Variants in ADAMTS6 observed in about 807,000 individuals in gnomAD.
The protein encoded by ADAMTS6 is A disintegrin and metalloproteinase with thrombospondin motifs 6.
A neutral mutation model predicts 144.3 loss-of-function variants in ADAMTS6; 23 were observed. The ratio of observed to expected loss-of-function variants is 0.16; its 90% confidence interval spans 0.11 to 0.23. ADAMTS6 has a LOEUF of 0.23. Ranked by LOEUF, ADAMTS6 falls within the 10% of genes least tolerant of loss-of-function variation. The pLI, the probability that ADAMTS6 is intolerant of heterozygous loss-of-function variation, is 1.00. For synonymous variants in ADAMTS6, 444 were observed against 457.5 expected (o/e 0.97, Z 0.38); for missense variants, 999 against 1,379.6 (o/e 0.72, Z 4.37).
chr5:65,196,899 T>C (rs771846664), intron 21 of ADAMTS6, 123 bp downstream of exon 21: 117 of 1,210,816 alleles, frequency 9.7e-5, no homozygotes, highest in Non-Finnish European at 1.2e-4. Context: ...CCTCTCAGGA[T>C]GTTTTCTACC....
chr5:65,420,753 T>TG (rs1213797537), intron 7 of ADAMTS6, among the ~76,000 whole-genome samples: 2 of 152,082 alleles, frequency 1.3e-5, no homozygotes, highest in Non-Finnish European at 2.9e-5. Context: ...TAGATGTAGC[T>TG]GGAAAAAAAG....
chr5:65,198,959 A>G (rs1266932764), intron 20 of ADAMTS6, among the ~76,000 whole-genome samples: 2 of 152,164 alleles, frequency 1.3e-5, no homozygotes, highest in Non-Finnish European at 1.5e-5. Flanking sequence ...GTGTCATTCC[A>G]GTGGGCAGAT....
intron 7 of ADAMTS6, among the ~76,000 whole-genome samples, chr5:65,384,483 G>A (rs559018051): frequency 6.6e-6 from 1 of 152,242 alleles, no homozygotes; most frequent in African/African-American, 2.4e-5. Flanking sequence ...CAAGTTCTTT[G>A]TCAATTTATA....
intron 7 of ADAMTS6, among the ~76,000 whole-genome samples, chr5:65,380,196 A>C (rs1751917518): frequency 6.6e-6 from 1 of 152,076 alleles, no homozygotes; most frequent in South Asian, 2.1e-4. Flanking sequence ...TTGCTTTTTA[A>C]ATTTAGTTAT....
intron 12 of ADAMTS6, among the ~76,000 whole-genome samples, chr5:65,263,196 A>C (rs954855314): frequency 6.6e-6 from 1 of 152,186 alleles, no homozygotes; most frequent in Admixed American, 6.5e-5. Flanking sequence ...GAGTTCTAAA[A>C]AAAAGTCACA....
Position 65,182,292 on chromosome 5 carries a change from CA to C in ADAMTS6, c.2910+5723del, listed in dbSNP as rs201228042. 5.3e-3 allele frequency among the ~76,000 whole-genome samples: 795 copies of C among 150,380 alleles called. 5 individuals are homozygous for C. Among genetic ancestry groups the C allele is most frequent in the African/African-American group, 0.019 (763 of 41,050 alleles). ...CAAAACCCTGTCTCTACTAAAAATACAAAAAAAAATTAGCCAGGTGTGGTGG... is the reference window on the plus strand; with the variant it reads ...CAAAACCCTGTCTCTACTAAAAATACAAAAAAAATTAGCCAGGTGTGGTGG... On this transcript the variant is annotated intron_variant, in intron 22 of 24. Transcript: ENST00000381055.
At chr5:65,230,825 GTAT>G (rs1758169229) in intron 15 of ADAMTS6, among the ~76,000 whole-genome samples, 2 of 68,320 alleles carry the variant, frequency 2.9e-5, no homozygotes, top group Admixed American at 1.6e-4. Flanking sequence ...TAATACATAT[GTAT>G]AAATATATAT....
chr5:65,195,932 C>T (rs1204881550), intron 21 of ADAMTS6, among the ~76,000 whole-genome samples: 2 of 152,250 alleles, frequency 1.3e-5, no homozygotes, highest in African/African-American at 4.8e-5. Context: ...ATCAACTCAA[C>T]ATCACATAAT....
chr5:65,435,751 G>C (rs897784603), intron 7 of ADAMTS6, among the ~76,000 whole-genome samples: 17 of 151,708 alleles, frequency 1.1e-4, no homozygotes, highest in African/African-American at 4.1e-4. Context: ...TCAGCCTCCC[G>C]AGTAGCTGCG....
At chr5:65,386,885 C>A (rs912926997) in intron 7 of ADAMTS6, among the ~76,000 whole-genome samples, 2 of 152,188 alleles carry the variant, frequency 1.3e-5, no homozygotes, top group African/African-American at 2.4e-5. Context: ...CTGCACCCAG[C>A]CAAGTATTAA....
intron 7 of ADAMTS6, among the ~76,000 whole-genome samples, chr5:65,447,253 T>G (rs1580729528): frequency 6.6e-6 from 1 of 152,244 alleles, no homozygotes; most frequent in South Asian, 2.1e-4. Flanking sequence ...AAACTTGTGG[T>G]GGATATTTCC....
At chr5:65,206,863 C>T (rs866004610) in intron 20 of ADAMTS6, among the ~76,000 whole-genome samples, 1 of 144,318 alleles carries the variant, frequency 6.9e-6, no homozygotes. Context: ...CACACACACA[C>T]ACACAAATAC....
intron 11 of ADAMTS6, among the ~76,000 whole-genome samples, chr5:65,289,919 T>C (rs1323675728): frequency 2.6e-5 from 4 of 152,182 alleles, no homozygotes; most frequent in Non-Finnish European, 5.9e-5. Flanking sequence ...AGAAAGACTA[T>C]GATTAAAGTT....
At chr5:65,305,309 C>T (rs879328179) in intron 9 of ADAMTS6, among the ~76,000 whole-genome samples, 1 of 152,070 alleles carries the variant, frequency 6.6e-6, no homozygotes, top group African/African-American at 2.4e-5. Context: ...TGCAAAACAA[C>T]CTGCAATATT....
intron 22 of ADAMTS6, among the ~76,000 whole-genome samples, chr5:65,182,862 G>T (rs1218377930): frequency 6.6e-6 from 1 of 152,026 alleles, no homozygotes; most frequent in Non-Finnish European, 1.5e-5. Context: ...TCAAGAAAAT[G>T]ACTGAAAATC....
rs1231458136 is a variant in ADAMTS6, at chr5:65,289,187, T to C, written c.1512+2142A>G. 4.6e-5 allele frequency among the ~76,000 whole-genome samples: 7 copies of C among 152,210 alleles called. No individual in the cohort carries two copies. In the East Asian group the frequency reaches 7.7e-4, roughly 17 times the overall value. ...GATACTAATGTCTTTCTCAAAGTTTTCCAATTTTAGTTTGTATCTATTACA... is the reference window on the plus strand; with the variant it reads ...GATACTAATGTCTTTCTCAAAGTTTCCCAATTTTAGTTTGTATCTATTACA... On this transcript the variant is annotated intron_variant, in intron 11 of 24. Transcript: ENST00000381055.
At chr5:65,157,261 T>C (rs1255047420) in intron 24 of ADAMTS6, among the ~76,000 whole-genome samples, 1 of 152,248 alleles carries the variant, frequency 6.6e-6, no homozygotes, top group African/African-American at 2.4e-5. Flanking sequence ...CAATGAGTTT[T>C]TCCCCAGGTG....
chr5:65,350,674 G>A (rs1400739700), intron 7 of ADAMTS6, among the ~76,000 whole-genome samples: 2 of 152,104 alleles, frequency 1.3e-5, no homozygotes, highest in African/African-American at 2.4e-5. Flanking sequence ...AGGGGGTGGG[G>A]AGGGTGTCTC....
chr5:65,246,084 C>T (rs1358087487), intron 14 of ADAMTS6, among the ~76,000 whole-genome samples: 5 of 152,116 alleles, frequency 3.3e-5, no homozygotes, highest in Admixed American at 1.3e-4. Context: ...ATCTCCAAAG[C>T]GGTCATACAA....
Sources: gnomAD v4.1 joint callset for allele counts (sites outside exome capture counted in the v4.1 genomes callset) on GRCh38, gnomAD v4.1.1 for gene constraint, MANE v1.5 for transcripts, NCBI Gene and HGNC (gene_info 2026-07-23, HGNC 2026-07-21) for gene names.